GPC6: variants seen among roughly 807,000 people sequenced by gnomAD.
GPC6 encodes the protein glypican 6.
In GPC6, 14 loss-of-function variants were observed where a neutral mutation model predicts 55.2. That is an observed-to-expected ratio of 0.25 (90% CI 0.17 to 0.40). GPC6 has a LOEUF of 0.40. GPC6 is among the 10% of genes least tolerant of loss of function. The probability of loss-of-function intolerance (pLI) is 1.00; values close to 1 mark genes in which losing one functional copy is unlikely to be tolerated. For synonymous variants in GPC6, 278 were observed against 259.6 expected (o/e 1.07, Z -0.68); for missense variants, 641 against 708.5 (o/e 0.90, Z 1.08).
chr13:93,362,713 G>A (rs1323977), intron 1 of GPC6, among the ~76,000 whole-genome samples: 10,476 of 152,004 alleles, frequency 0.069, 438 homozygotes, highest in East Asian at 0.12. Flanking sequence ...GGTTTGAGGT[G>A]AGGTCTTACA....
chr13:93,538,274 G>A (rs780328771), intron 1 of GPC6, among the ~76,000 whole-genome samples: 1 of 152,130 alleles, frequency 6.6e-6, no homozygotes, highest in African/African-American at 2.4e-5. Flanking sequence ...CTCCATGTGT[G>A]TAGAAGTTTA....
chr13:93,563,180 A>G (rs1174984842), intron 2 of GPC6, among the ~76,000 whole-genome samples: 2 of 152,178 alleles, frequency 1.3e-5, no homozygotes, highest in Non-Finnish European at 2.9e-5. Flanking sequence ...TCACTTCGAC[A>G]ATATTGGATA....
chr13:93,377,321 A>G (rs1018519153), intron 1 of GPC6, among the ~76,000 whole-genome samples: 16 of 152,236 alleles, frequency 1.1e-4, no homozygotes, highest in African/African-American at 3.9e-4. Context: ...CAAAGAGGTT[A>G]TGAAGCTCTA....
chr13:94,119,829 T>C (rs1886562287), intron 4 of GPC6, among the ~76,000 whole-genome samples: 1 of 152,030 alleles, frequency 6.6e-6, no homozygotes, highest in South Asian at 2.1e-4. Flanking sequence ...CTTTGATTTG[T>C]AGCATTTGTC....
chr13:93,889,871 G>A (rs1293029888), intron 3 of GPC6, among the ~76,000 whole-genome samples: 1 of 152,100 alleles, frequency 6.6e-6, no homozygotes, highest in Admixed American at 6.6e-5. Flanking sequence ...ATATGCAAAG[G>A]TGTATTTCTA....
intron 1 of GPC6, among the ~76,000 whole-genome samples, chr13:93,253,694 G>A (rs1023254975): frequency 2.0e-5 from 3 of 152,102 alleles, no homozygotes; most frequent in Non-Finnish European, 2.9e-5. Flanking sequence ...AGTTAATATG[G>A]AGGCTACATT....
At chr13:93,722,527 A>T (rs551096292) in intron 2 of GPC6, among the ~76,000 whole-genome samples, 1 of 151,796 alleles carries the variant, frequency 6.6e-6, no homozygotes, top group Non-Finnish European at 1.5e-5. Context: ...TTGTCTGTTT[A>T]CCTATCATTG....
chr13:94,364,239 G>C (rs781697548), intron 6 of GPC6, among the ~76,000 whole-genome samples: 5 of 152,170 alleles, frequency 3.3e-5, no homozygotes, highest in Admixed American at 6.5e-5. Context: ...AGGAGACTAA[G>C]AGGACCCATT....
chr13:93,940,413 A>AATGGATGGATGG (rs141500976), intron 3 of GPC6, among the ~76,000 whole-genome samples: 24 of 149,928 alleles, frequency 1.6e-4, no homozygotes, highest in African/African-American at 5.4e-4. Flanking sequence ...TGGATGGATG[A>AATGGATGGATGG]ATGGATGGAT....
chr13:93,913,888 T>C (rs1877145577), intron 3 of GPC6, among the ~76,000 whole-genome samples: 1 of 152,196 alleles, frequency 6.6e-6, no homozygotes, highest in Non-Finnish European at 1.5e-5. Flanking sequence ...AGTTGGCTGC[T>C]GACAGGATTC....
intron 1 of GPC6, among the ~76,000 whole-genome samples, chr13:93,344,670 G>C (rs1880371816): frequency 6.6e-6 from 1 of 151,916 alleles, no homozygotes; most frequent in Non-Finnish European, 1.5e-5. Flanking sequence ...TAATTGCTTT[G>C]ACTGTAAAAG....
At chr13:93,888,131 A>G (rs915204352) in intron 3 of GPC6, among the ~76,000 whole-genome samples, 2 of 152,126 alleles carry the variant, frequency 1.3e-5, no homozygotes, top group African/African-American at 4.8e-5. Flanking sequence ...AAAATCTGTT[A>G]AACAGGTGAG....
chr13:93,949,131 C>T (rs1214426016), intron 3 of GPC6, among the ~76,000 whole-genome samples: 2 of 152,134 alleles, frequency 1.3e-5, no homozygotes, highest in Admixed American at 6.5e-5. Context: ...CTCTCCCTGG[C>T]TCAAATTTAA....
chr13:93,395,854 C>T (rs577199993), intron 1 of GPC6: 2 of 152,402 alleles, frequency 1.3e-5, no homozygotes, highest in South Asian at 4.1e-4. Flanking sequence ...GGAAGAGAGA[C>T]TTCAACAATG....
At chr13:93,625,824 C>T (rs1879177896) in intron 2 of GPC6, among the ~76,000 whole-genome samples, 1 of 152,136 alleles carries the variant, frequency 6.6e-6, no homozygotes, top group African/African-American at 2.4e-5. Flanking sequence ...AGTTAGTATA[C>T]TTTGACTTTC....
At chr13:93,690,161 TAA>T (rs1041944100) in intron 2 of GPC6, among the ~76,000 whole-genome samples, 5 of 152,170 alleles carry the variant, frequency 3.3e-5, no homozygotes, top group Admixed American at 3.3e-4. Context: ...AGAATAGGGA[TAA>T]GTTTGCCTGG....
At chr13:94,193,403 G>A (rs1566527001) in intron 4 of GPC6, among the ~76,000 whole-genome samples, 1 of 152,056 alleles carries the variant, frequency 6.6e-6, no homozygotes, top group African/African-American at 2.4e-5. Flanking sequence ...ATGTGGAGTG[G>A]GAGGGGGCCG....
intron 6 of GPC6, among the ~76,000 whole-genome samples, chr13:94,335,637 C>G (rs1207748853): frequency 6.6e-6 from 1 of 152,148 alleles, no homozygotes; most frequent in Non-Finnish European, 1.5e-5. Flanking sequence ...ATCTAACAAA[C>G]AGTGGGTTGA....
chr13:94,186,264 C>T (rs981707807), intron 4 of GPC6, among the ~76,000 whole-genome samples: 1 of 151,998 alleles, frequency 6.6e-6, no homozygotes, highest in African/African-American at 2.4e-5. Flanking sequence ...AGTTGGATTT[C>T]GGCATGATTT....
Sources: gnomAD v4.1 joint callset for allele counts (sites outside exome capture counted in the v4.1 genomes callset) on GRCh38, gnomAD v4.1.1 for gene constraint, MANE v1.5 for transcripts, NCBI Gene and HGNC (gene_info 2026-07-23, HGNC 2026-07-21) for gene names.